Variants in CCNQ observed in about 807,000 individuals in gnomAD.
CCNQ encodes cyclin-Q.
In CCNQ, 3 loss-of-function variants were observed where a neutral mutation model predicts 17.7. That is an observed-to-expected ratio of 0.17 (90% CI 0.08 to 0.44). The LOEUF is 0.44. Among genes scored for constraint, CCNQ ranks in the 20% least tolerant of loss-of-function variants. The pLI, the probability that CCNQ is intolerant of heterozygous loss-of-function variation, is 0.99. For synonymous variants in CCNQ, 73 were observed against 96.0 expected (o/e 0.76, Z 1.40); for missense variants, 146 against 222.6 (o/e 0.66, Z 2.19).
At chrX:153,596,422 C>T (rs781828906) in intron 1 of CCNQ, among the ~76,000 whole-genome samples, 4 of 112,134 alleles carry the variant, frequency 3.6e-5, no homozygotes, top group Middle Eastern at 4.6e-3. Context: ...TGTAGGTCTG[C>T]GGCTCTGAGA....
At chrX:153,588,567 G>A in intron 4 of CCNQ, 113 bp from the exon 5 acceptor site, 3 of 581,870 alleles carry the variant, frequency 5.2e-6, no homozygotes, top group Non-Finnish European at 9.0e-6. Context: ...ACAGGGACTT[G>A]GCTATGTAGG....
rs2091026246 is a variant in CCNQ, at chrX:153,596,087, C to T, written c.213G>A (p.Leu71=). The T allele has an allele frequency of 1.7e-6, 2 of 1,210,870 alleles. No homozygotes were observed. The highest frequency in any genetic ancestry group is 4.4e-5 in the Admixed American group (2 of 45,884). The change falls in exon 2 of 5, where the codon CTG becomes CTA. Residue 71 remains leucine, a synonymous_variant. Coordinates refer to ENST00000576892, the MANE Select transcript of CCNQ (RefSeq NM_152274.5). The part of the protein sequence containing the change: ...ETNLDAYDPY[L]IAMSSIYLAG... ...CCAAGTAAATTGAAGACATGGCAAT[C>T]AGGTAAGGGTCATAGGCGTCCAGGT... is the stretch of plus-strand genomic sequence containing the variant.
chrX:153,589,296 G>A (rs1047093377), intron 4 of CCNQ, among the ~76,000 whole-genome samples: 4 of 112,804 alleles, frequency 3.5e-5, no homozygotes, highest in Non-Finnish European at 7.5e-5. Context: ...TGGCTGGGAT[G>A]AGCTTCCCGG....
At chrX:153,596,239 GCTCCAGT>G in intron 1 of CCNQ, 52 bp from the exon 2 acceptor site, 1 of 1,156,955 alleles carries the variant, frequency 8.6e-7, no homozygotes, top group Non-Finnish European at 1.2e-6. Flanking sequence ...CTGGCTCACT[GCTCCAGT>G]GAGGGGAGCC....
intron 3 of CCNQ, among the ~76,000 whole-genome samples, chrX:153,593,432 C>G (rs2091006086): frequency 9.0e-6 from 1 of 111,352 alleles, no homozygotes; most frequent in East Asian, 2.8e-4. Context: ...GGGCACAGAT[C>G]ACACACCCCT....
chrX:153,591,946 C>G (rs73630442), intron 4 of CCNQ, among the ~76,000 whole-genome samples: 1,264 of 110,019 alleles, frequency 0.011, 13 homozygotes, highest in African/African-American at 0.04. Flanking sequence ...AGAGGCAGGG[C>G]TACCTCTATG....
intron 2 of CCNQ, 142 bp downstream of exon 2, chrX:153,595,862 C>T (rs1166245411): frequency 1.5e-6 from 1 of 683,750 alleles, no homozygotes; most frequent in East Asian, 3.2e-5. Context: ...GCTACTGTTT[C>T]TGGCCCTGCC....
Position 153,599,046 on chromosome X carries a change from C to A in CCNQ, c.28G>T (p.Gly10Trp), listed in dbSNP as rs781939131. 357 of 1,078,814 alleles carry A rather than the reference C, an allele frequency of 3.3e-4. 1 individual carries two copies. The Middle Eastern group carries it at 4.0e-3, about 12-fold the overall frequency. The allele number at this position is 1,078,814 out of a possible 1,213,427, so 88.9% of individuals were successfully genotyped here. A position where few individuals can be genotyped will look rare whatever the true frequency, so the allele number is the denominator to read the frequency against. MEAPEGGGG[G>W]PAARGPEGQP... ...CCCTCCGGGCCCCGCGCTGCAGGCC[C>A]CCCTCCGCCGCCCTCCGGGGCTTCC... The change falls in exon 1 of 5, where the codon GGG becomes TGG. Residue 10 changes from glycine (G) to tryptophan (W), a missense_variant. Transcript: ENST00000576892.
intron 3 of CCNQ, among the ~76,000 whole-genome samples, chrX:153,593,653 G>A (rs2091007153): frequency 8.9e-6 from 1 of 112,447 alleles, no homozygotes; most frequent in Non-Finnish European, 1.9e-5. Context: ...AACACGAAGG[G>A]CCCATGCGGG....
chrX:153,591,641 T>C lies in CCNQ; in HGVS notation c.657+865A>G, dbSNP rs374949135. On this transcript the variant is annotated intron_variant, in intron 4 of 4. Transcript: ENST00000576892. ...AACCCTGAGCACGAGGCAGCCACATTATGTGAAAGTCCCTGAGCAGCCCGA... is the reference window on the plus strand; with the variant it reads ...AACCCTGAGCACGAGGCAGCCACATCATGTGAAAGTCCCTGAGCAGCCCGA... Among the ~76,000 whole-genome samples the C allele has an allele frequency of 1.5e-4, 17 of 110,774 alleles. No homozygotes were observed. The East Asian group carries it at 3.4e-3, about 22-fold the overall frequency.
In CCNQ at chrX:153,599,060, T is replaced by C. The variant is rs1557027846; in HGVS notation, c.14A>G (p.Glu5Gly). The C allele has an allele frequency of 1.9e-6, 2 of 1,048,657 alleles. No homozygotes were observed. Among genetic ancestry groups the C allele is most frequent in the Non-Finnish European group, 1.2e-6 (1 of 814,226 alleles). The allele number at this position is 1,048,657 out of a possible 1,213,427, so 86.4% of individuals were successfully genotyped here. A position where few individuals can be genotyped will look rare whatever the true frequency, so the allele number is the denominator to read the frequency against. ...CGCTGCAGGCCCCCCTCCGCCGCCC[T>C]CCGGGGCTTCCATGAGGCGCCGCGG... Reference protein sequence around the residue: MEAPEGGGGGPAARG... With the variant: MEAPGGGGGGPAARG... The change falls in exon 1 of 5, where the codon GAG (glutamate) becomes GGG (glycine). Residue 5 changes from glutamate (E) to glycine (G), a missense_variant. Glu to Gly is a moderately conservative substitution (Grantham distance 98). Coordinates refer to ENST00000576892, the MANE Select transcript of CCNQ (RefSeq NM_152274.5).
At chrX:153,592,785 C>T in intron 3 of CCNQ, 52 bp from the exon 4 acceptor site, 1 of 1,068,148 alleles carries the variant, frequency 9.4e-7, no homozygotes, top group Non-Finnish European at 1.3e-6. Context: ...TCTCCTCATG[C>T]TGACATAATC....
intron 2 of CCNQ, among the ~76,000 whole-genome samples, chrX:153,594,917 G>A (rs2091017058): frequency 8.9e-6 from 1 of 112,295 alleles, no homozygotes; most frequent in Admixed American, 9.4e-5. Flanking sequence ...AGCCAGATGG[G>A]CTGTCCGCTA....
chrX:153,595,880 A>T (rs1193346932), intron 2 of CCNQ, 124 bp downstream of exon 2: 4 of 829,882 alleles, frequency 4.8e-6, no homozygotes, highest in Non-Finnish European at 7.3e-6. Flanking sequence ...GCCTGGTTCA[A>T]GGCCATCCAG....
chrX:153,598,443 T>A (rs2091043407), intron 1 of CCNQ, among the ~76,000 whole-genome samples: 1 of 110,892 alleles, frequency 9.0e-6, no homozygotes, highest in Admixed American at 9.4e-5. Flanking sequence ...TGTTGATGGC[T>A]GGATGGAAAC....
chrX:153,590,916 G>T (rs782277508), intron 4 of CCNQ, among the ~76,000 whole-genome samples: 2 of 111,910 alleles, frequency 1.8e-5, no homozygotes, highest in South Asian at 7.4e-4. Flanking sequence ...TCTGGACGTG[G>T]AAGTTTCAGC....
chrX:153,594,216 C>A (rs2091011359), intron 3 of CCNQ, among the ~76,000 whole-genome samples: 1 of 112,715 alleles, frequency 8.9e-6, no homozygotes, highest in Admixed American at 9.4e-5. Flanking sequence ...AACCAGCCTG[C>A]TTCCCCGAGG....
chrX:153,598,952 C>T lies in CCNQ; in HGVS notation c.112+10G>A. The T allele has an allele frequency of 8.9e-7, 1 of 1,124,013 alleles. No individual in the cohort carries two copies. Among genetic ancestry groups the T allele is most frequent in the East Asian group, 3.7e-5 (1 of 26,978 alleles). The allele number at this position is 1,124,013 out of a possible 1,213,427, so 92.6% of individuals were successfully genotyped here. A position where few individuals can be genotyped will look rare whatever the true frequency, so the allele number is the denominator to read the frequency against. On this transcript the variant is annotated intron_variant, in intron 1 of 4. Transcript: ENST00000576892. ...CGCCGCCTGTCCTGGCCTCCCCCGG[C>T]CGCGGTTACCTGCCTCCATGATGAA... is the stretch of plus-strand genomic sequence containing the variant.
At position 153,588,092 on chromosome X, in the gene CCNQ, G is replaced by C. The variant is rs1328166094; in HGVS notation, c.*273C>G. 7 of 467,613 alleles carry C rather than the reference G, an allele frequency of 1.5e-5. No homozygotes were observed. The highest frequency in any genetic ancestry group is 1.2e-4 in the African/African-American group (5 of 42,047). The allele number at this position is 467,613 out of a possible 1,213,427, so 38.5% of individuals were successfully genotyped here. On this transcript the variant is annotated 3_prime_UTR_variant, in exon 5 of 5. Coordinates refer to ENST00000576892, the MANE Select transcript of CCNQ (RefSeq NM_152274.5). The stretch of plus-strand genomic sequence containing the variant: ...GTATTGTAGTCAAAGTCCTCTCAAA[G>C]GACAAACGCAGATGTGGCTGCCTTG...
Sources: gnomAD v4.1 joint callset for allele counts (sites outside exome capture counted in the v4.1 genomes callset) on GRCh38, gnomAD v4.1.1 for gene constraint, MANE v1.5 for transcripts, NCBI Gene and HGNC (gene_info 2026-07-23, HGNC 2026-07-21) for gene names.